The following RASSF5 variants were observed in gnomAD, a reference collection of about 807,000 sequenced individuals.
RASSF5 encodes the protein ras association domain-containing protein 5.
RASSF5 carries 25 observed loss-of-function variants against 40.5 expected under a neutral mutation model. The observed-to-expected ratio is 0.62, with a 90% confidence interval of 0.45 to 0.86. The LOEUF is 0.86. Among genes scored for constraint, RASSF5 ranks in the 40% least tolerant of loss-of-function variants. The probability of loss-of-function intolerance (pLI) is 0.00; values close to 1 mark genes in which losing one functional copy is unlikely to be tolerated. For missense variants in RASSF5, 521 were observed against 572.8 expected, an observed-to-expected ratio of 0.91 and a Z score of 0.92; for synonymous variants, 246 against 252.4, an observed-to-expected ratio of 0.97 and a Z score of 0.24.
At chr1:206,541,052 G>C (rs1667534016) in intron 2 of RASSF5, among the ~76,000 whole-genome samples, 1 of 152,076 alleles carries the variant, frequency 6.6e-6, no homozygotes, top group Non-Finnish European at 1.5e-5. Flanking sequence ...GCTCCACCAT[G>C]CCTGGCTAAT....
intron 1 of RASSF5, among the ~76,000 whole-genome samples, chr1:206,536,011 C>A (rs1174166433): frequency 1.3e-5 from 2 of 152,124 alleles, no homozygotes; most frequent in African/African-American, 4.8e-5. Flanking sequence ...ACAGGTGTGT[C>A]CCAGGGCCAG....
At chr1:206,562,451 G>A (rs887854424) in intron 2 of RASSF5, among the ~76,000 whole-genome samples, 2 of 152,218 alleles carry the variant, frequency 1.3e-5, no homozygotes, top group Non-Finnish European at 2.9e-5. Context: ...CATGGCCCAA[G>A]ACTAGTCCCA....
chr1:206,539,276 A>G (rs781790740), intron 2 of RASSF5, among the ~76,000 whole-genome samples: 2 of 152,214 alleles, frequency 1.3e-5, no homozygotes, highest in African/African-American at 4.8e-5. Context: ...TGCTTACAGT[A>G]GGGTAAGGGA....
intron 1 of RASSF5, among the ~76,000 whole-genome samples, chr1:206,515,719 T>C (rs1039770852): frequency 6.6e-6 from 1 of 152,228 alleles, no homozygotes; most frequent in Admixed American, 6.5e-5. Flanking sequence ...ACTCTCTATA[T>C]TTCTCCAGGT....
At chr1:206,583,514 C>T (rs113543133) in intron 3 of RASSF5, 135 bp downstream of exon 3, 30 of 660,622 alleles carry the variant, frequency 4.5e-5, no homozygotes, top group African/African-American at 2.7e-4. Context: ...CAGAGGCCTC[C>T]GGGGTCTGGA....
chr1:206,561,080 C>A (rs1187827994), intron 2 of RASSF5, among the ~76,000 whole-genome samples: 4 of 152,202 alleles, frequency 2.6e-5, no homozygotes, highest in African/African-American at 9.7e-5. Context: ...GTTAAACAGG[C>A]TCTGGGACCC....
At chr1:206,555,724 T>G (rs1667963821) in intron 2 of RASSF5, among the ~76,000 whole-genome samples, 1 of 152,178 alleles carries the variant, frequency 6.6e-6, no homozygotes, top group Non-Finnish European at 1.5e-5. Context: ...GCCAGCCGGC[T>G]GGGGTGCTGA....
rs749213469 is a variant in RASSF5, at chr1:206,507,620, G to T, written c.18G>T (p.Pro6=). 2.0e-6 allele frequency: 3 copies of T among 1,523,908 alleles called. No individual in the cohort carries two copies. The highest frequency in any genetic ancestry group is 1.9e-5 in the Admixed American group (1 of 51,844). The allele number at this position is 1,523,908 out of a possible 1,614,324, so 94.4% of individuals were successfully genotyped here. ...AGCCGGGCATGGCCATGGCGTCCCCGGCCATCGGGCAGCGCCCGTACCCGC... is the reference window on the plus strand; with the variant it reads ...AGCCGGGCATGGCCATGGCGTCCCCTGCCATCGGGCAGCGCCCGTACCCGC... MAMAS[P]AIGQRPYPLL... Residue 6 remains proline (P), a synonymous_variant, in exon 1 of 6, where the codon CCG becomes CCT. Transcript: ENST00000579436.
At chr1:206,509,819 C>T (rs950486421) in intron 1 of RASSF5, among the ~76,000 whole-genome samples, 25 of 152,036 alleles carry the variant, frequency 1.6e-4, no homozygotes, top group Admixed American at 1.2e-3. Flanking sequence ...TTGATCCTTA[C>T]GTCACATCAG....
intron 1 of RASSF5, among the ~76,000 whole-genome samples, chr1:206,526,146 G>A (rs527441191): frequency 6.6e-6 from 1 of 152,320 alleles, no homozygotes; most frequent in African/African-American, 2.4e-5. Flanking sequence ...CAGCCCCTGT[G>A]TGTCAGCTGC....
At chr1:206,530,775 C>A (rs1318025165) in intron 1 of RASSF5, among the ~76,000 whole-genome samples, 1 of 152,222 alleles carries the variant, frequency 6.6e-6, no homozygotes, top group Non-Finnish European at 1.5e-5. Flanking sequence ...AGCCCCTCCC[C>A]GCTGCAGGGA....
chr1:206,535,912 C>A lies in RASSF5; in HGVS notation c.458-2260C>A, dbSNP rs893268989. ...CAGCTGTCATCACCGTGGAGCTGGG[C>A]GAGCTTTCAGTCCTTCCTCCTTTTC... On this transcript the variant is annotated intron_variant, in intron 1 of 5. Transcript: ENST00000579436. This position sits in a 1 kb window ranked among gnomAD's most constrained non-coding sequence, Gnocchi z 5.0. 1.3e-5 allele frequency among the ~76,000 whole-genome samples: 2 copies of A among 152,042 alleles called. No individual in the cohort carries two copies. Among genetic ancestry groups the A allele is most frequent in the East Asian group, 1.9e-4 (1 of 5,176 alleles).
intron 1 of RASSF5, among the ~76,000 whole-genome samples, chr1:206,508,394 C>G (rs1431921266): frequency 6.6e-6 from 1 of 151,618 alleles, no homozygotes; most frequent in South Asian, 2.1e-4. Flanking sequence ...GTGATGGCCT[C>G]GGCGGCCTCT....
intron 1 of RASSF5, among the ~76,000 whole-genome samples, chr1:206,526,293 T>TGTGTGTGTGTGTGTGTG (rs1553397193): frequency 4.4e-4 from 67 of 151,404 alleles, no homozygotes; most frequent in Non-Finnish European, 6.2e-4. Context: ...TGTGTGTGTG[T>TGTGTGTGTGTGTGTGTG]TGGAGTTGGG....
In RASSF5 at chr1:206,588,851, T is replaced by C. The variant is rs1424792840; in HGVS notation, c.*1873T>C. The C allele has an allele frequency of 6.5e-6, 1 of 152,772 alleles. No individual in the cohort carries two copies. Among genetic ancestry groups the C allele is most frequent in the Non-Finnish European group, 1.5e-5 (1 of 68,048 alleles). 9.5% of individuals were successfully genotyped at this position (152,772 alleles called of 1,614,324 possible). ...GAGAGTCATTTTCCTTCGTCCTGCATGTCTCTAACATTAATAGAAGGCATG... is the reference window on the plus strand; with the variant it reads ...GAGAGTCATTTTCCTTCGTCCTGCACGTCTCTAACATTAATAGAAGGCATG... On this transcript the variant is annotated 3_prime_UTR_variant, in exon 6 of 6. Coordinates refer to ENST00000579436, the MANE Select transcript of RASSF5 (RefSeq NM_182663.4).
At chr1:206,557,304 C>T in intron 2 of RASSF5, 1 of 1,245,772 alleles carries the variant, frequency 8.0e-7, no homozygotes, top group Non-Finnish European at 1.0e-6. Flanking sequence ...GAGTGAGGCG[C>T]GAGCCGGGCG....
At chr1:206,548,802 C>A (rs1257627089) in intron 2 of RASSF5, among the ~76,000 whole-genome samples, 1 of 152,160 alleles carries the variant, frequency 6.6e-6, no homozygotes, top group Non-Finnish European at 1.5e-5. Flanking sequence ...TGCTTGAATT[C>A]GTTCCACAGC....
intron 2 of RASSF5, among the ~76,000 whole-genome samples, chr1:206,575,876 C>G (rs1170671862): frequency 3.9e-5 from 6 of 152,224 alleles, no homozygotes; most frequent in Admixed American, 2.6e-4. Context: ...AAGTCCAAAG[C>G]CTGGTGTGTG....
intron 2 of RASSF5, among the ~76,000 whole-genome samples, chr1:206,559,468 C>T (rs539273329): frequency 2.0e-5 from 3 of 152,316 alleles, no homozygotes; most frequent in African/African-American, 7.2e-5. Context: ...GGATGGCTTG[C>T]TCCATGGCCT....
Sources: allele counts gnomAD v4.1 joint callset (sites outside exome capture counted in the v4.1 genomes callset), GRCh38; gene constraint gnomAD v4.1.1; non-coding constraint Gnocchi (gnomAD v3.1); transcripts MANE v1.5; gene names NCBI Gene and HGNC (gene_info 2026-07-23, HGNC 2026-07-21).